The following SUGCT variants were observed in gnomAD, a reference collection of about 807,000 sequenced individuals.
SUGCT encodes the protein succinyl-CoA:glutarate CoA-transferase.
SUGCT carries 41 observed loss-of-function variants against 55.0 expected under a neutral mutation model. The observed-to-expected ratio is 0.74, with a 90% CI of 0.58 to 0.97. The LOEUF (loss-of-function observed/expected upper bound fraction) is 0.97, where lower values mean the gene tolerates loss of function less well. Ranked by LOEUF, SUGCT falls within the 50% of genes least tolerant of loss-of-function variation. The pLI, the probability that SUGCT is intolerant of heterozygous loss-of-function variation, is 0.00. For missense variants in SUGCT, 568 were observed against 547.8 expected (o/e 1.04, Z -0.37); for synonymous variants, 187 against 200.4 (o/e 0.93, Z 0.56).
intron 13 of SUGCT, among the ~76,000 whole-genome samples, chr7:40,758,575 G>T (rs952158345): frequency 3.3e-5 from 5 of 151,996 alleles, no homozygotes; most frequent in Non-Finnish European, 7.4e-5. Flanking sequence ...TCAGGATTTG[G>T]GGGCACTGAG....
At chr7:40,389,474 C>CAAGT (rs1432959165) in intron 9 of SUGCT, among the ~76,000 whole-genome samples, 1 of 151,880 alleles carries the variant, frequency 6.6e-6, no homozygotes, top group South Asian at 2.1e-4. Flanking sequence ...AACAAACAAG[C>CAAGT]AAAAAGAAGA....
chr7:40,244,069 A>T (rs1789648379), intron 7 of SUGCT, among the ~76,000 whole-genome samples: 1 of 152,200 alleles, frequency 6.6e-6, no homozygotes, highest in African/African-American at 2.4e-5. Flanking sequence ...GGTACTTGGG[A>T]GGCTGAGGCA....
intron 12 of SUGCT, among the ~76,000 whole-genome samples, chr7:40,522,419 C>A (rs1053098488): frequency 6.6e-6 from 1 of 152,110 alleles, no homozygotes; most frequent in East Asian, 1.9e-4. Flanking sequence ...TAACTACTTA[C>A]ACTAGTTGCT....
the SUGCT span, among the ~76,000 whole-genome samples, chr7:40,995,903 A>C: frequency 6.6e-6 from 1 of 152,168 alleles, no homozygotes; most frequent in Non-Finnish European, 1.5e-5. Flanking sequence ...AAAAGGGACT[A>C]ACTTTGTTGG....
the SUGCT span, among the ~76,000 whole-genome samples, chr7:40,946,207 C>T: frequency 6.6e-6 from 1 of 151,426 alleles, no homozygotes; most frequent in Admixed American, 6.6e-5. Flanking sequence ...GGGATTTATG[C>T]TTGCTTTATA....
downstream of SUGCT, among the ~76,000 whole-genome samples, chr7:40,862,083 T>C (rs1329874676): frequency 6.6e-6 from 1 of 152,202 alleles, no homozygotes; most frequent in Non-Finnish European, 1.5e-5. Context: ...CTGATCTGGG[T>C]AGATATCTTG....
chr7:40,240,129 T>C (rs908577603), intron 7 of SUGCT, among the ~76,000 whole-genome samples: 5 of 152,058 alleles, frequency 3.3e-5, no homozygotes, highest in Non-Finnish European at 5.9e-5. Flanking sequence ...CAGGCCATTA[T>C]TATGCTTCTA....
chr7:40,477,773 A>C lies in SUGCT; in HGVS notation c.987-18511A>C, dbSNP rs552985324. On this transcript the variant is annotated intron_variant, in intron 11 of 13. Coordinates refer to ENST00000335693, the MANE Select transcript of SUGCT (RefSeq NM_001193313.2). ...AAAAATAGGGTTTCAAAACAGAAAA[A>C]TCAAAGAGAAGTTGTAGGCTTGTAT... Among the ~76,000 whole-genome samples the C allele has an allele frequency of 2.4e-4, 37 of 152,310 alleles. 1 individual carries two copies. The South Asian group carries it at 7.0e-3, about 29-fold the overall frequency.
chr7:40,172,026 T>A (rs1423114769), intron 1 of SUGCT, among the ~76,000 whole-genome samples: 2 of 152,126 alleles, frequency 1.3e-5, no homozygotes, highest in African/African-American at 4.8e-5. Flanking sequence ...TCTCTTTTGG[T>A]AGATGGATTT....
chr7:40,245,254 T>TTCTTGTCCTATTCCACACCTGGCTTTG (rs1789737781), intron 7 of SUGCT, among the ~76,000 whole-genome samples: 1 of 149,148 alleles, frequency 6.7e-6, no homozygotes, highest in Non-Finnish European at 1.5e-5. Context: ...AGATGGGGTT[T>TTCTTGTCCTATTCCACACCTGGCTTTG]CACCGTGTTG....
rs540281805 is a variant in SUGCT, at chr7:40,661,850, T to G, written c.1090-87584T>G. Among the ~76,000 whole-genome samples the G allele has an allele frequency of 7.9e-5, 12 of 152,298 alleles. 1 individual carries two copies. Among genetic ancestry groups the G allele is most frequent in the Middle Eastern group, 3.4e-3 (1 of 294 alleles). ...CTTTTTCTCTACCATGTTTTACATG[T>G]TAGTGCTTCAGCCATACCCTCTCTC... On this transcript the variant is annotated intron_variant, in intron 12 of 13. Coordinates refer to ENST00000335693, the MANE Select transcript of SUGCT (RefSeq NM_001193313.2).
At chr7:40,582,672 T>G (rs982595926) in intron 12 of SUGCT, among the ~76,000 whole-genome samples, 2 of 152,154 alleles carry the variant, frequency 1.3e-5, no homozygotes, top group Non-Finnish European at 2.9e-5. Context: ...ATTAGGTTGC[T>G]GGTGCAGAGC....
intron 12 of SUGCT, among the ~76,000 whole-genome samples, chr7:40,521,677 A>G (rs973613020): frequency 6.6e-6 from 1 of 152,004 alleles, no homozygotes; most frequent in African/African-American, 2.4e-5. Context: ...TATTTTTTTT[A>G]GAGATTAACT....
At chr7:40,475,153 A>T (rs761297220) in intron 11 of SUGCT, among the ~76,000 whole-genome samples, 3 of 152,324 alleles carry the variant, frequency 2.0e-5, no homozygotes, top group Admixed American at 6.5e-5. Flanking sequence ...GGTAAAGTAC[A>T]TTTTTTATTC....
chr7:40,189,398 C>CTTTTTTTTTTTTTTTTTTTTTTTTT (rs771275549), intron 4 of SUGCT, 146 bp from the exon 5 acceptor site: 1 of 143,912 alleles, frequency 6.9e-6, no homozygotes, highest in Non-Finnish European at 1.4e-5. Flanking sequence ...AATACACATA[C>CTTTTTTTTTTTTTTTTTTTTTTTTT]TTTTTTTTTT....
the SUGCT span, among the ~76,000 whole-genome samples, chr7:40,897,918 A>T: frequency 7.7e-6 from 1 of 129,810 alleles, no homozygotes; most frequent in African/African-American, 2.5e-5. Flanking sequence ...CTGTAAAATG[A>T]ACCAATCAGC....
chr7:40,291,669 A>T (rs985564287), intron 8 of SUGCT, among the ~76,000 whole-genome samples: 1 of 133,296 alleles, frequency 7.5e-6, no homozygotes, highest in African/African-American at 3.4e-5. Flanking sequence ...AATAAAATAA[A>T]AAAATATATA....
intron 3 of SUGCT, among the ~76,000 whole-genome samples, chr7:40,184,453 G>T (rs1472261154): frequency 6.6e-6 from 1 of 151,550 alleles, no homozygotes; most frequent in Admixed American, 6.6e-5. Context: ...TGTTTTGTTT[G>T]AGATGGAGTC....
chr7:40,219,940 A>C (rs552252989), intron 6 of SUGCT, among the ~76,000 whole-genome samples: 1 of 152,236 alleles, frequency 6.6e-6, no homozygotes, highest in East Asian at 1.9e-4. Context: ...AGTTTACCCT[A>C]ATTGCTGGCT....
Sources: allele counts gnomAD v4.1 joint callset (sites outside exome capture counted in the v4.1 genomes callset), GRCh38; gene constraint gnomAD v4.1.1; transcripts MANE v1.5; gene names NCBI Gene and HGNC (gene_info 2026-07-23, HGNC 2026-07-21).